PDZRN4: variants seen among roughly 807,000 people sequenced by gnomAD.
PDZRN4 encodes the protein PDZ domain-containing RING finger protein 4.
In PDZRN4, 70 loss-of-function variants were observed where a neutral mutation model predicts 99.0. The observed-to-expected ratio is 0.71, with a 90% CI of 0.58 to 0.86. The LOEUF is 0.86. Among genes scored for constraint, PDZRN4 ranks in the 40% least tolerant of loss-of-function variants. The probability of loss-of-function intolerance (pLI) is 0.00; values close to 1 mark genes in which losing one functional copy is unlikely to be tolerated. For synonymous variants in PDZRN4, 551 were observed against 501.6 expected, an observed-to-expected ratio of 1.10 and a Z score of -1.32; for missense variants, 1,474 against 1,331.2, an observed-to-expected ratio of 1.11 and a Z score of -1.67.
intron 5 of PDZRN4, among the ~76,000 whole-genome samples, chr12:41,519,059 C>G (rs779754671): frequency 2.0e-5 from 3 of 151,852 alleles, no homozygotes; most frequent in Non-Finnish European, 4.4e-5. Context: ...TAATGTATAC[C>G]TACTTCCATG....
At chr12:41,347,616 A>G (rs927413270) in intron 3 of PDZRN4, among the ~76,000 whole-genome samples, 1 of 151,882 alleles carries the variant, frequency 6.6e-6, no homozygotes, top group African/African-American at 2.4e-5. Context: ...GTTTCTGATG[A>G]TATTTTTAGC....
At chr12:41,552,621 G>T in intron 5 of PDZRN4, 35 bp from the exon 6 acceptor site, 1 of 1,518,792 alleles carries the variant, frequency 6.6e-7, no homozygotes, top group South Asian at 1.1e-5. Flanking sequence ...TTTTCTCTCT[G>T]ACATAAATGT....
chr12:41,311,334 C>G (rs920776745), intron 3 of PDZRN4, among the ~76,000 whole-genome samples: 2 of 151,644 alleles, frequency 1.3e-5, no homozygotes, highest in African/African-American at 4.8e-5. Flanking sequence ...TATGCCTTTG[C>G]CTATGAAAGT....
At chr12:41,360,492 G>A (rs933897131) in intron 3 of PDZRN4, among the ~76,000 whole-genome samples, 1 of 151,966 alleles carries the variant, frequency 6.6e-6, no homozygotes, top group Non-Finnish European at 1.5e-5. Context: ...TTTGGGGTGA[G>A]TCTTTACTTT....
chr12:41,567,827 G>A lies in PDZRN4; in HGVS notation c.1512G>A (p.Glu504=), dbSNP rs767460183. ...WLEDERNEFL[E]ELNLEMLEEE... Reference sequence around the variant, plus strand: ...AAGATGAAAGGAATGAATTCTTAGAGGAGTTAAACTTGGAGATGTTGGAAG... The same window carrying A: ...AAGATGAAAGGAATGAATTCTTAGAAGAGTTAAACTTGGAGATGTTGGAAG... Residue 504 remains glutamate (E), a synonymous_variant, in exon 9 of 10, where the codon GAG becomes GAA. Coordinates refer to ENST00000402685, the MANE Select transcript of PDZRN4 (RefSeq NM_001164595.2). 7 of 1,613,374 alleles carry A rather than the reference G, an allele frequency of 4.3e-6. No homozygotes were observed. The Middle Eastern group carries it at 6.6e-4, about 152-fold the overall frequency.
chr12:41,200,010 A>G (rs1000528115), intron 3 of PDZRN4, among the ~76,000 whole-genome samples: 1 of 152,192 alleles, frequency 6.6e-6, no homozygotes, highest in Non-Finnish European at 1.5e-5. Flanking sequence ...CCCTAAATCT[A>G]TAAAAATAAC....
At chr12:41,232,430 T>A (rs934313011) in intron 3 of PDZRN4, among the ~76,000 whole-genome samples, 8 of 152,086 alleles carry the variant, frequency 5.3e-5, no homozygotes, top group African/African-American at 1.9e-4. Context: ...AAGCGGGTGT[T>A]CATCGGCTGC....
chr12:41,252,595 C>T (rs1282507656), intron 3 of PDZRN4, among the ~76,000 whole-genome samples: 2 of 152,056 alleles, frequency 1.3e-5, no homozygotes, highest in African/African-American at 4.8e-5. Context: ...CAAAAATTAG[C>T]TTGATATGAT....
chr12:41,568,230 A>C (rs1437434568), intron 9 of PDZRN4, among the ~76,000 whole-genome samples: 2 of 152,216 alleles, frequency 1.3e-5, no homozygotes, highest in African/African-American at 4.8e-5. Flanking sequence ...AGCTGAAAAC[A>C]AACTGAGGTA....
chr12:41,563,416 G>A (rs1939307746), intron 7 of PDZRN4, 132 bp from the exon 8 acceptor site: 6 of 656,684 alleles, frequency 9.1e-6, no homozygotes, highest in East Asian at 5.5e-5. Context: ...TTTGAGCTGA[G>A]GGGCTGAAGA....
At chr12:41,465,660 C>T (rs1952917614) in intron 3 of PDZRN4, among the ~76,000 whole-genome samples, 1 of 152,166 alleles carries the variant, frequency 6.6e-6, no homozygotes, top group Admixed American at 6.6e-5. Context: ...CTCCCCACTG[C>T]CATAGTCTTG....
chr12:41,334,224 T>A (rs974134738), intron 3 of PDZRN4, among the ~76,000 whole-genome samples: 2 of 152,030 alleles, frequency 1.3e-5, no homozygotes, highest in Non-Finnish European at 2.9e-5. Flanking sequence ...AGAACAGAAT[T>A]TTTCACAGAC....
At chr12:41,431,515 G>A (rs757036492) in intron 3 of PDZRN4, among the ~76,000 whole-genome samples, 17 of 152,146 alleles carry the variant, frequency 1.1e-4, no homozygotes, top group Admixed American at 3.9e-4. Flanking sequence ...TCTTCCTCAG[G>A]TCTGTTACCT....
intron 3 of PDZRN4, among the ~76,000 whole-genome samples, chr12:41,236,907 G>A (rs183704485): frequency 4.6e-5 from 7 of 152,124 alleles, no homozygotes; most frequent in Admixed American, 4.6e-4. Context: ...TATTTTATGT[G>A]TGGGGTTTAT....
chr12:41,539,304 A>G (rs1938805662), intron 5 of PDZRN4, among the ~76,000 whole-genome samples: 1 of 152,090 alleles, frequency 6.6e-6, no homozygotes, highest in Non-Finnish European at 1.5e-5. Flanking sequence ...GGAATAAAAC[A>G]CTAAAGTTTA....
intron 3 of PDZRN4, among the ~76,000 whole-genome samples, chr12:41,418,998 G>A (rs893509852): frequency 2.6e-5 from 4 of 152,138 alleles, no homozygotes; most frequent in African/African-American, 9.7e-5. Context: ...TCAGATTAAG[G>A]CTATGTAACT....
intron 7 of PDZRN4, among the ~76,000 whole-genome samples, chr12:41,558,604 T>C (rs1010785833): frequency 3.9e-5 from 6 of 152,212 alleles, no homozygotes. Flanking sequence ...TTAGGGATAT[T>C]GTGGGCAGGT....
intron 3 of PDZRN4, among the ~76,000 whole-genome samples, chr12:41,327,520 G>A (rs1393707114): frequency 6.6e-6 from 1 of 152,156 alleles, no homozygotes; most frequent in African/African-American, 2.4e-5. Context: ...TCAATCAACC[G>A]GAGAGGCCTG....
At position 41,572,478 on chromosome 12, in the gene PDZRN4, A is replaced by G. The variant is rs912496758; in HGVS notation, c.1699A>G (p.Ser567Gly). The G allele has an allele frequency of 6.2e-7, 1 of 1,614,012 alleles. No homozygotes were observed. Among genetic ancestry groups the G allele is most frequent in the African/African-American group, 1.3e-5 (1 of 74,926 alleles). ...RTDESLRNDESSEQENAAEDP... is the reference protein window; with the variant it reads ...RTDESLRNDEGSEQENAAEDP... The stretch of plus-strand genomic sequence containing the variant: ...AGATGAAAGCTTGCGAAATGATGAG[A>G]GCTCAGAGCAGGAGAATGCAGCCGA... The change falls in exon 10 of 10, where the codon AGC (serine) becomes GGC (glycine). Residue 567 changes from serine to glycine, a missense_variant. Transcript: ENST00000402685.
Sources: gnomAD v4.1 joint callset for allele counts (sites outside exome capture counted in the v4.1 genomes callset) on GRCh38, gnomAD v4.1.1 for gene constraint, MANE v1.5 for transcripts, NCBI Gene and HGNC (gene_info 2026-07-23, HGNC 2026-07-21) for gene names.